Variants in TSHZ3 observed in about 807,000 individuals in gnomAD.
The protein encoded by TSHZ3 is teashirt zinc finger homeobox 3.
Under a neutral mutation model 64.5 loss-of-function variants are expected in TSHZ3, and 10 were observed. That is an observed-to-expected ratio of 0.16 (90% CI 0.10 to 0.26). The LOEUF (loss-of-function observed/expected upper bound fraction) is 0.26, where lower values mean the gene tolerates loss of function less well. TSHZ3 is among the 10% of genes least tolerant of loss of function. The pLI is 1.00. For missense variants in TSHZ3, 1,242 were observed against 1,421.7 expected (o/e 0.87, Z 2.03); for synonymous variants, 608 against 593.1 (o/e 1.03, Z -0.36).
At chr19:31,264,004 T>C (rs1162428070) in intron 1 of TSHZ3, among the ~76,000 whole-genome samples, 1 of 152,176 alleles carries the variant, frequency 6.6e-6, no homozygotes, top group African/African-American at 2.4e-5. Flanking sequence ...TCACTCCTCC[T>C]TGCTGGGAGC....
At chr19:31,348,575 G>A (rs2021589612) in intron 1 of TSHZ3, among the ~76,000 whole-genome samples, 1 of 152,086 alleles carries the variant, frequency 6.6e-6, no homozygotes, top group African/African-American at 2.4e-5. Context: ...GGGTGGGGGC[G>A]AGGAAACACA....
intron 4 of TSHZ3, among the ~76,000 whole-genome samples, chr19:31,211,084 A>T (rs1975254610): frequency 6.6e-6 from 1 of 152,232 alleles, no homozygotes; most frequent in Non-Finnish European, 1.5e-5. Context: ...ATGAAAGTGA[A>T]GTACATTTTT....
intron 5 of TSHZ3, among the ~76,000 whole-genome samples, chr19:31,177,333 T>A (rs1338356050): frequency 1.3e-5 from 2 of 152,158 alleles, no homozygotes; most frequent in Non-Finnish European, 2.9e-5. Flanking sequence ...AGGAGAGACA[T>A]GATATAAGAG....
At chr19:31,324,223 A>G (rs1231482856) in intron 1 of TSHZ3, among the ~76,000 whole-genome samples, 2 of 152,166 alleles carry the variant, frequency 1.3e-5, no homozygotes, top group East Asian at 3.8e-4. Flanking sequence ...TTATGATTTT[A>G]ATGTAGTAGA....
At chr19:31,349,149 G>C (rs1004863140) in intron 1 of TSHZ3, 31 bp downstream of exon 1, 2 of 1,539,020 alleles carry the variant, frequency 1.3e-6, no homozygotes, top group South Asian at 1.2e-5. Flanking sequence ...AGAGGAGGAG[G>C]AGAGCAGAAG....
chr19:31,250,455 C>G (rs181649092), intron 1 of TSHZ3, among the ~76,000 whole-genome samples: 5 of 152,216 alleles, frequency 3.3e-5, no homozygotes, highest in African/African-American at 1.2e-4. Flanking sequence ...GTAGAGAATA[C>G]ATCCCAACTC....
At chr19:31,243,978 A>G (rs1365386046) in intron 1 of TSHZ3, among the ~76,000 whole-genome samples, 1 of 152,210 alleles carries the variant, frequency 6.6e-6, no homozygotes, top group African/African-American at 2.4e-5. Context: ...TTAAGAACCT[A>G]AAACATGTGC....
intron 6 of TSHZ3, among the ~76,000 whole-genome samples, chr19:31,152,675 C>T (rs1249686500): frequency 1.3e-5 from 2 of 152,090 alleles, no homozygotes; most frequent in South Asian, 2.1e-4. Flanking sequence ...AGAACCTTCA[C>T]GATTATCCTG....
At chr19:31,322,810 G>A (rs895058509) in intron 1 of TSHZ3, among the ~76,000 whole-genome samples, 1 of 152,196 alleles carries the variant, frequency 6.6e-6, no homozygotes, top group Non-Finnish European at 1.5e-5. Context: ...ATGAATGAGT[G>A]ACAGAACGAA....
At chr19:31,230,049 T>C (rs1295825665) in intron 3 of TSHZ3, among the ~76,000 whole-genome samples, 2 of 152,226 alleles carry the variant, frequency 1.3e-5, no homozygotes, top group Non-Finnish European at 2.9e-5. Flanking sequence ...TCTAGGAATT[T>C]ATCCTCAGAA....
At chr19:31,289,362 C>G (rs1378277683) in intron 1 of TSHZ3, among the ~76,000 whole-genome samples, 1 of 152,144 alleles carries the variant, frequency 6.6e-6, no homozygotes, top group African/African-American at 2.4e-5. Flanking sequence ...TCCCTCCTCA[C>G]TCTGGGCAGC....
intron 5 of TSHZ3, among the ~76,000 whole-genome samples, chr19:31,179,779 A>ATGGTGGTGATGG: frequency 6.9e-6 from 1 of 144,256 alleles, no homozygotes; most frequent in East Asian, 2.1e-4. Flanking sequence ...GGTGATGATA[A>ATGGTGGTGATGG]TGGTGGTGAT....
chr19:31,205,129 C>T (rs371857819), intron 4 of TSHZ3, among the ~76,000 whole-genome samples: 8 of 152,226 alleles, frequency 5.3e-5, no homozygotes, highest in Non-Finnish European at 8.8e-5. Flanking sequence ...GGAGAGGTTC[C>T]TTGTCGGCTG....
At chr19:31,271,593 A>G (rs549895783), downstream of TSHZ3, among the ~76,000 whole-genome samples, 12 of 152,290 alleles carry the variant, frequency 7.9e-5, no homozygotes, top group Middle Eastern at 3.4e-3. Context: ...AGAGCTAACT[A>G]TAGTGTATTT....
chr19:31,249,303 C>G (rs1314651347), intron 1 of TSHZ3, among the ~76,000 whole-genome samples: 1 of 152,152 alleles, frequency 6.6e-6, no homozygotes, highest in South Asian at 2.1e-4. Context: ...GGATAGCCCA[C>G]CCAACGCTTG....
intron 3 of TSHZ3, among the ~76,000 whole-genome samples, chr19:31,236,492 C>T (rs1377820449): frequency 1.3e-5 from 2 of 152,080 alleles, no homozygotes; most frequent in African/African-American, 2.4e-5. Context: ...GGTATTTGGT[C>T]TTTATTGTTA....
chr19:31,169,555 A>G (rs1323559845), intron 5 of TSHZ3, among the ~76,000 whole-genome samples: 1 of 152,216 alleles, frequency 6.6e-6, no homozygotes, highest in African/African-American at 2.4e-5. Flanking sequence ...TAATGATTAT[A>G]CAACAATATG....
chr19:31,298,533 C>T (rs1245582976), intron 1 of TSHZ3, among the ~76,000 whole-genome samples: 4 of 152,170 alleles, frequency 2.6e-5, no homozygotes, highest in Admixed American at 6.5e-5. Context: ...GAATTAAAAG[C>T]CCAGAACCAA....
intron 5 of TSHZ3, among the ~76,000 whole-genome samples, chr19:31,194,215 G>A (rs1008775799): frequency 6.6e-6 from 1 of 152,172 alleles, no homozygotes; most frequent in East Asian, 1.9e-4. Context: ...TAGTCATTGG[G>A]TATCCCTCAC....
Sources: allele counts gnomAD v4.1 joint callset (sites outside exome capture counted in the v4.1 genomes callset), GRCh38; gene constraint gnomAD v4.1.1; transcripts MANE v1.5; gene names NCBI Gene and HGNC (gene_info 2026-07-23, HGNC 2026-07-21).